Variants in CPNE4 observed in about 807,000 individuals in gnomAD.
CPNE4 encodes the protein copine-4.
In CPNE4, 25 loss-of-function variants were observed where a neutral mutation model predicts 67.9. That is an observed-to-expected ratio of 0.37 (90% CI 0.27 to 0.51). CPNE4 has a LOEUF of 0.51. Ranked by LOEUF, CPNE4 falls within the 20% of genes least tolerant of loss-of-function variation. The pLI is 0.93. For missense variants in CPNE4, 464 were observed against 690.8 expected (o/e 0.67, Z 3.68); for synonymous variants, 242 against 244.9 (o/e 0.99, Z 0.11).
chr3:131,664,663 C>A (rs532203670), intron 7 of CPNE4, among the ~76,000 whole-genome samples: 10 of 152,222 alleles, frequency 6.6e-5, no homozygotes, highest in Admixed American at 2.0e-4. Flanking sequence ...CTGATTAAAA[C>A]AACATTGAAT....
chr3:131,650,625 G>T (rs1055321383), intron 7 of CPNE4, among the ~76,000 whole-genome samples: 1 of 149,384 alleles, frequency 6.7e-6, no homozygotes, highest in African/African-American at 2.5e-5. Context: ...GGCGCCTGTA[G>T]TCCCGGCTAC....
chr3:131,782,142 C>G (rs1435209106), intron 2 of CPNE4, among the ~76,000 whole-genome samples: 2 of 152,068 alleles, frequency 1.3e-5, no homozygotes, highest in Non-Finnish European at 2.9e-5. Context: ...TAAGTATCTT[C>G]AAAACTCTAA....
chr3:131,628,506 G>A (rs1326262758), intron 7 of CPNE4, among the ~76,000 whole-genome samples: 2 of 152,282 alleles, frequency 1.3e-5, no homozygotes, highest in East Asian at 1.9e-4. Context: ...GGTAGAATTT[G>A]GCTCTGAATC....
intron 7 of CPNE4, among the ~76,000 whole-genome samples, chr3:131,660,878 G>A (rs572951756): frequency 7.9e-5 from 12 of 152,252 alleles, no homozygotes; most frequent in African/African-American, 2.6e-4. Flanking sequence ...TTGGAATATA[G>A]GCAGCAATGC....
At chr3:131,659,437 C>A (rs2080066565) in intron 7 of CPNE4, among the ~76,000 whole-genome samples, 1 of 152,116 alleles carries the variant, frequency 6.6e-6, no homozygotes. Flanking sequence ...GCAGCAATTG[C>A]AACTTATTTA....
intron 1 of CPNE4, among the ~76,000 whole-genome samples, chr3:131,907,210 A>G (rs910366147): frequency 6.6e-6 from 1 of 152,164 alleles, no homozygotes; most frequent in South Asian, 2.1e-4. Context: ...GACTGAACGT[A>G]TAAGATTCTC....
chr3:131,851,731 T>C (rs2086249383), intron 2 of CPNE4, among the ~76,000 whole-genome samples: 1 of 152,058 alleles, frequency 6.6e-6, no homozygotes, highest in Non-Finnish European at 1.5e-5. Context: ...TATCTTGGCT[T>C]GAAGAGACCT....
chr3:131,720,765 C>G (rs1484259771), intron 3 of CPNE4, among the ~76,000 whole-genome samples: 1 of 152,184 alleles, frequency 6.6e-6, no homozygotes, highest in East Asian at 1.9e-4. Context: ...CCCTTGTAGG[C>G]TGCTTATCCT....
intron 1 of CPNE4, among the ~76,000 whole-genome samples, chr3:131,927,003 G>T (rs533480595): frequency 6.6e-6 from 1 of 152,102 alleles, no homozygotes; most frequent in Non-Finnish European, 1.5e-5. Context: ...GACAGAACAA[G>T]CTGGCCTAAA....
chr3:131,988,328 G>A (rs1412186225), intron 1 of CPNE4, among the ~76,000 whole-genome samples: 1 of 152,182 alleles, frequency 6.6e-6, no homozygotes, highest in Non-Finnish European at 1.5e-5. Context: ...AAGGATTCTG[G>A]TCTTTGTCTT....
chr3:131,569,890 G>A (rs535688357), intron 10 of CPNE4, among the ~76,000 whole-genome samples: 7 of 151,808 alleles, frequency 4.6e-5, no homozygotes, highest in Middle Eastern at 3.4e-3. Flanking sequence ...AGAAATGTCC[G>A]TTTAAAATTA....
chr3:131,800,071 C>A (rs566350805), intron 2 of CPNE4, among the ~76,000 whole-genome samples: 32 of 152,060 alleles, frequency 2.1e-4, no homozygotes, highest in African/African-American at 7.5e-4. Context: ...GAGGTTTGGG[C>A]TTCTAATGAT....
chr3:131,883,766 G>A (rs1463354032), intron 2 of CPNE4, among the ~76,000 whole-genome samples: 1 of 152,144 alleles, frequency 6.6e-6, no homozygotes, highest in Non-Finnish European at 1.5e-5. Flanking sequence ...AATTGTAAAT[G>A]CACAATACAG....
chr3:131,893,135 G>GA (rs890119272), intron 2 of CPNE4, among the ~76,000 whole-genome samples: 37 of 151,982 alleles, frequency 2.4e-4, no homozygotes, highest in African/African-American at 8.9e-4. Flanking sequence ...ATGAAGGGAT[G>GA]AAAAAAGATA....
intron 2 of CPNE4, among the ~76,000 whole-genome samples, chr3:131,741,626 T>C (rs2082357395): frequency 6.6e-6 from 1 of 152,114 alleles, no homozygotes; most frequent in Non-Finnish European, 1.5e-5. Context: ...TAAAGCACCT[T>C]GACACAGCAA....
intron 2 of CPNE4, among the ~76,000 whole-genome samples, chr3:131,797,489 C>T (rs765926504): frequency 1.3e-5 from 2 of 152,172 alleles, no homozygotes; most frequent in Non-Finnish European, 2.9e-5. Context: ...ACTGCACTTA[C>T]ATTGTATTGC....
intron 2 of CPNE4, among the ~76,000 whole-genome samples, chr3:131,774,122 C>G (rs1457352622): frequency 1.3e-5 from 2 of 152,114 alleles, no homozygotes; most frequent in Non-Finnish European, 2.9e-5. Flanking sequence ...TCACTTCTTC[C>G]TTGCTAACAG....
At chr3:131,600,781 TAG>T (rs1160064321) in intron 7 of CPNE4, among the ~76,000 whole-genome samples, 3 of 152,172 alleles carry the variant, frequency 2.0e-5, no homozygotes, top group Admixed American at 1.3e-4. Flanking sequence ...CCATATTATT[TAG>T]TAGAAGGGGC....
In CPNE4 at chr3:131,694,102, C is replaced by T. The variant is rs1315456486; in HGVS notation, c.507+2440G>A. Among the ~76,000 whole-genome samples, 3 of 152,274 alleles carry T rather than the reference C, an allele frequency of 2.0e-5. No homozygotes were observed. In the East Asian group the frequency reaches 5.8e-4, roughly 29 times the overall value. On this transcript the variant is annotated intron_variant, in intron 5 of 15. Coordinates refer to ENST00000429747, the MANE Select transcript of CPNE4 (RefSeq NM_130808.3). ...CAGGCAGGCATCCTACAACCACCGT[C>T]TGAATTGGATATAGCATATTTTTCC...
Sources: allele counts gnomAD v4.1 joint callset (sites outside exome capture counted in the v4.1 genomes callset), GRCh38; gene constraint gnomAD v4.1.1; transcripts MANE v1.5; gene names NCBI Gene and HGNC (gene_info 2026-07-23, HGNC 2026-07-21).